GPHN: variants seen among roughly 807,000 people sequenced by gnomAD.
GPHN encodes gephyrin.
A neutral mutation model predicts 95.5 loss-of-function variants in GPHN; 17 were observed. The ratio of observed to expected loss-of-function variants is 0.18; its 90% CI spans 0.12 to 0.27. The LOEUF (loss-of-function observed/expected upper bound fraction) is 0.27. Among genes scored for constraint, GPHN ranks in the 10% least tolerant of loss-of-function variants. GPHN has a pLI of 1.00. For missense variants in GPHN, 660 were observed against 978.1 expected, an observed-to-expected ratio of 0.67 and a Z score of 4.34; for synonymous variants, 320 against 322.5, an observed-to-expected ratio of 0.99 and a Z score of 0.08.
the GPHN span, chr14:67,588,383 G>A: frequency 1.3e-5 from 2 of 152,562 alleles, no homozygotes; most frequent in Admixed American, 1.3e-4. Context: ...TCAGGCATGT[G>A]GGCCTGGATA....
At chr14:67,221,691 T>C in the GPHN span, 2 of 1,558,448 alleles carry the variant, frequency 1.3e-6, no homozygotes. Context: ...ATTTAAAGAA[T>C]GACCGGTTAT....
At chr14:66,632,925 A>G (rs1407268962) in intron 1 of GPHN, among the ~76,000 whole-genome samples, 1 of 152,168 alleles carries the variant, frequency 6.6e-6, no homozygotes, top group Non-Finnish European at 1.5e-5. Flanking sequence ...ACTTAGTGGA[A>G]CCATCCATTC....
intron 1 of GPHN, among the ~76,000 whole-genome samples, chr14:66,655,613 T>A (rs1307041152): frequency 2.0e-5 from 3 of 152,100 alleles, no homozygotes; most frequent in African/African-American, 7.2e-5. Context: ...TTACTGCACT[T>A]GCTAAATATT....
At chr14:67,187,622 T>C in the GPHN span, among the ~76,000 whole-genome samples, 1 of 152,240 alleles carries the variant, frequency 6.6e-6, no homozygotes, top group Non-Finnish European at 1.5e-5. Context: ...TCCCAGCACC[T>C]AGTTATGGCT....
At chr14:67,543,023 C>G in the GPHN span, among the ~76,000 whole-genome samples, 3 of 152,208 alleles carry the variant, frequency 2.0e-5, no homozygotes, top group East Asian at 3.8e-4. Context: ...AAGATACATT[C>G]TAAACTGCTA....
chr14:66,705,076 A>G (rs1163245179), intron 2 of GPHN, among the ~76,000 whole-genome samples: 1 of 152,268 alleles, frequency 6.6e-6, no homozygotes, highest in Non-Finnish European at 1.5e-5. Context: ...AGAAATGGAT[A>G]AATTCCTGGA....
At chr14:67,244,801 T>A in the GPHN span, among the ~76,000 whole-genome samples, 1 of 152,210 alleles carries the variant, frequency 6.6e-6, no homozygotes, top group Non-Finnish European at 1.5e-5. Context: ...TTCAAAGATA[T>A]CCTAATCCCT....
chr14:67,170,049 G>C (rs983728329), intron 21 of GPHN, among the ~76,000 whole-genome samples: 6 of 152,148 alleles, frequency 3.9e-5, no homozygotes, highest in South Asian at 2.1e-4. Flanking sequence ...TTGCACTTCA[G>C]CCTGGGAAAC....
intron 3 of GPHN, among the ~76,000 whole-genome samples, chr14:66,820,841 TA>T (rs2061163759): frequency 6.6e-6 from 1 of 152,178 alleles, no homozygotes; most frequent in South Asian, 2.1e-4. Flanking sequence ...CTCTAGTTTT[TA>T]CTCTTTTATG....
chr14:67,273,986 A>G, the GPHN span, among the ~76,000 whole-genome samples: 1 of 151,768 alleles, frequency 6.6e-6, no homozygotes, highest in East Asian at 1.9e-4. Context: ...TTTTTCTTGG[A>G]AATTTGTTTA....
chr14:66,708,315 A>G (rs1005130968), intron 2 of GPHN, among the ~76,000 whole-genome samples: 2 of 152,192 alleles, frequency 1.3e-5, no homozygotes, highest in Admixed American at 1.3e-4. Flanking sequence ...TAGGACTAGA[A>G]AGAGAAAAAT....
chr14:67,070,272 ATGTGTGTATATATATGTTTGTGTG>A (rs1010080327), intron 11 of GPHN, among the ~76,000 whole-genome samples: 1 of 150,572 alleles, frequency 6.6e-6, no homozygotes, highest in African/African-American at 2.4e-5. Flanking sequence ...TGTGACATAT[ATGTGTGTATATATATGTTTGTGTG>A]TGTGTGTATA....
the GPHN span, among the ~76,000 whole-genome samples, chr14:67,603,958 G>A: frequency 6.6e-6 from 1 of 152,150 alleles, no homozygotes; most frequent in Non-Finnish European, 1.5e-5. Flanking sequence ...TGGGATTATA[G>A]GCGTGAGCCA....
the GPHN span, among the ~76,000 whole-genome samples, chr14:67,408,105 G>A: frequency 4.6e-5 from 7 of 151,952 alleles, no homozygotes; most frequent in Middle Eastern, 3.4e-3. Flanking sequence ...TGACCAACAC[G>A]GAGAAACCAC....
chr14:67,359,077 T>C, the GPHN span, among the ~76,000 whole-genome samples: 2 of 152,138 alleles, frequency 1.3e-5, no homozygotes. Flanking sequence ...AAGCAGTGCC[T>C]CAGAAACACA....
chr14:67,557,922 T>G, the GPHN span, among the ~76,000 whole-genome samples: 4 of 152,222 alleles, frequency 2.6e-5, no homozygotes, highest in Admixed American at 2.6e-4. Flanking sequence ...TGCACAGAGC[T>G]GGATGGTCAG....
the GPHN span, among the ~76,000 whole-genome samples, chr14:67,674,021 T>C: frequency 6.6e-6 from 1 of 152,204 alleles, no homozygotes; most frequent in Admixed American, 6.5e-5. Context: ...ACTAGACCTG[T>C]CTTGAGACTA....
Position 67,056,116 on chromosome 14 carries a change from C to T in GPHN, c.1007-2533C>T, listed in dbSNP as rs538558720. Among the ~76,000 whole-genome samples the T allele has an allele frequency of 6.6e-5, 10 of 152,356 alleles. No homozygotes were observed. In the South Asian group the frequency reaches 1.7e-3, roughly 25 times the overall value. On this transcript the variant is annotated intron_variant, in intron 10 of 22. Coordinates refer to ENST00000478722, the MANE Select transcript of GPHN (RefSeq NM_020806.5). ...CATGGAGGGGGACCCCAGCAGGTTGCTGCTGCTGGCTTGGGCAGCCTGCTT... is the reference window on the plus strand; with the variant it reads ...CATGGAGGGGGACCCCAGCAGGTTGTTGCTGCTGGCTTGGGCAGCCTGCTT...
intron 1 of GPHN, among the ~76,000 whole-genome samples, chr14:66,659,049 A>T (rs1037955044): frequency 2.6e-5 from 4 of 151,526 alleles, no homozygotes; most frequent in African/African-American, 9.7e-5. Flanking sequence ...TGAGACTTTT[A>T]CTGTTTTCAA....
Sources: gnomAD v4.1 joint callset for allele counts (sites outside exome capture counted in the v4.1 genomes callset) on GRCh38, gnomAD v4.1.1 for gene constraint, MANE v1.5 for transcripts, NCBI Gene and HGNC (gene_info 2026-07-23, HGNC 2026-07-21) for gene names.